The following PRDM11 variants were observed in gnomAD, a reference collection of about 807,000 sequenced individuals.
PRDM11 encodes the protein PR domain-containing protein 11.
In PRDM11, 20 loss-of-function variants were observed where a neutral mutation model predicts 97.8. The ratio of observed to expected loss-of-function variants is 0.20; its 90% CI spans 0.14 to 0.30. PRDM11 has a LOEUF of 0.30. PRDM11 is among the 10% of genes least tolerant of loss of function. PRDM11 has a pLI of 1.00. For missense variants in PRDM11, 1,139 were observed against 1,555.2 expected (o/e 0.73, Z 4.50); for synonymous variants, 599 against 637.7 (o/e 0.94, Z 0.91).
intron 5 of PRDM11, among the ~76,000 whole-genome samples, chr11:45,211,730 C>G (rs559807831): frequency 6.6e-6 from 1 of 152,080 alleles, no homozygotes; most frequent in Admixed American, 6.5e-5. Flanking sequence ...TCCCACTCTT[C>G]CCCCCAAGTC....
chr11:45,212,743 G>A (rs755333415), intron 5 of PRDM11: 2 of 456,372 alleles, frequency 4.4e-6, no homozygotes, highest in African/African-American at 2.0e-5. Flanking sequence ...AGCAGACCGA[G>A]GTGTTCCGGC....
intron 5 of PRDM11, among the ~76,000 whole-genome samples, chr11:45,207,396 G>A (rs1853553947): frequency 6.6e-6 from 1 of 152,200 alleles, no homozygotes; most frequent in African/African-American, 2.4e-5. Context: ...ATCTGTCTGT[G>A]GTGGTTCTCA....
chr11:45,234,359 CT>C lies in PRDM11; in HGVS notation c.*6201del, dbSNP rs1266106624. 2 of 152,948 alleles carry C rather than the reference CT, an allele frequency of 1.3e-5. No homozygotes were observed. The highest frequency in any genetic ancestry group is 4.8e-5 in the African/African-American group (2 of 41,380). 9.5% of individuals were successfully genotyped at this position (152,948 alleles called of 1,614,324 possible). On this transcript the variant is annotated 3_prime_UTR_variant, in exon 8 of 8. Coordinates refer to ENST00000683152, the MANE Select transcript of PRDM11 (RefSeq NM_001384648.1). ...CTCCCATCCTGAGCCTCCTCTGCCC[CT>C]GTCTTGCTCTTCCCCACCATCCTAC...
In PRDM11 at chr11:45,229,863, A is replaced by C. The variant is rs1301348238; in HGVS notation, c.*1704A>C. On this transcript the variant is annotated 3_prime_UTR_variant, in exon 8 of 8. Transcript: ENST00000683152. ...GTTATCTGGCCACAGGCAAGGCCCC[A>C]ATGTCTTCAGCCTGCTTGGTTCAGA... 1 of 152,170 alleles carries C rather than the reference A, an allele frequency of 6.6e-6. No homozygotes were observed. The highest frequency in any genetic ancestry group is 1.9e-4 in the East Asian group (1 of 5,188). The allele number at this position is 152,170 out of a possible 1,614,324, so 9.4% of individuals were successfully genotyped here. A position where few individuals can be genotyped will look rare whatever the true frequency, so the allele number is the denominator to read the frequency against.
At chr11:45,101,346 A>G (rs1318766934) in intron 1 of PRDM11, among the ~76,000 whole-genome samples, 5 of 152,152 alleles carry the variant, frequency 3.3e-5, no homozygotes, top group African/African-American at 1.2e-4. Flanking sequence ...TCACGAGGTC[A>G]GGAGATCGAG....
At chr11:45,184,635 T>C (rs549568682) in intron 4 of PRDM11, among the ~76,000 whole-genome samples, 175 of 152,080 alleles carry the variant, frequency 1.2e-3, no homozygotes, top group Non-Finnish European at 1.9e-3. Flanking sequence ...GTTAATGGTG[T>C]CTTTCTCTGA....
Position 45,233,394 on chromosome 11 carries a change from A to C in PRDM11, c.*5235A>C, listed in dbSNP as rs528998979. On this transcript the variant is annotated 3_prime_UTR_variant, in exon 8 of 8. Transcript: ENST00000683152. ...TGGAAGGAGATACCCCCTGAGCTCC[A>C]GCTGAGGTGCCCCCTACCTCTCCCC... 25 of 152,200 alleles carry C rather than the reference A, an allele frequency of 1.6e-4. No individual in the cohort carries two copies. The highest frequency in any genetic ancestry group is 6.0e-4 in the African/African-American group (25 of 41,462). The allele number at this position is 152,200 out of a possible 1,614,324, so 9.4% of individuals were successfully genotyped here.
chr11:45,132,203 G>T lies in PRDM11; in HGVS notation c.96+36302G>T, dbSNP rs573919737. ...TTCCCTGGAGCTGCGCTGTGCAGGG[G>T]GTCATTTTCCCTGAGCCCATGACAA... On this transcript the variant is annotated intron_variant, in intron 1 of 6. Coordinates refer to the PRDM11 transcript ENST00000530656. Among the ~76,000 whole-genome samples the T allele has an allele frequency of 3.8e-3, 580 of 152,240 alleles. 5 individuals are homozygous for T. Among genetic ancestry groups the T allele is most frequent in the Non-Finnish European group, 5.8e-3 (397 of 68,022 alleles).
chr11:45,213,338 C>A (rs970255763), intron 5 of PRDM11: 2 of 454,896 alleles, frequency 4.4e-6, no homozygotes, highest in Non-Finnish European at 8.9e-6. Context: ...GCAGGCCTTG[C>A]AGGGAGGGGG....
chr11:45,210,262 C>T (rs973957373), intron 5 of PRDM11, among the ~76,000 whole-genome samples: 1 of 152,222 alleles, frequency 6.6e-6, no homozygotes, highest in Non-Finnish European at 1.5e-5. Context: ...CTCCGCCACC[C>T]GCTCCCCACC....
intron 1 of PRDM11, chr11:45,095,987 T>C (rs2135591305): frequency 1.4e-6 from 1 of 724,408 alleles, no homozygotes; most frequent in Non-Finnish European, 2.6e-6. Context: ...TTCCTCCAGA[T>C]CTTTATTCAG....
In PRDM11 at chr11:45,183,055, C is replaced by T. The variant is rs1852573458; in HGVS notation, c.418C>T (p.His140Tyr). 1 of 1,613,868 alleles carries T rather than the reference C, an allele frequency of 6.2e-7. No homozygotes were observed. Among genetic ancestry groups the T allele is most frequent in the Non-Finnish European group, 8.5e-7 (1 of 1,179,998 alleles). Residue 140 changes from histidine (H) to tyrosine (Y), a missense_variant, in exon 4 of 8, where the codon CAC becomes TAC. This residue lies in a region of PRDM11 where 429 missense variants were observed against 510.3 expected (regional missense o/e 0.84). Coordinates refer to ENST00000683152, the MANE Select transcript of PRDM11 (RefSeq NM_001384648.1). The part of the protein sequence containing the change: ...RCVNEVIPKG[H>Y]IFGPYEGQIS... ...TGTAAACGAGGTCATCCCCAAGGGC[C>T]ACATCTTCGGCCCCTATGAGGGGCA...
intron 4 of PRDM11, among the ~76,000 whole-genome samples, chr11:45,184,840 G>C (rs1171899095): frequency 6.6e-6 from 1 of 152,144 alleles, no homozygotes; most frequent in Admixed American, 6.5e-5. Flanking sequence ...GTGGTCAGTG[G>C]GGGTGTGGGT....
At chr11:45,138,686 C>T (rs1238327426) in intron 1 of PRDM11, among the ~76,000 whole-genome samples, 1 of 152,178 alleles carries the variant, frequency 6.6e-6, no homozygotes, top group African/African-American at 2.4e-5. Context: ...AAAGTCACAT[C>T]CCTATGCTAT....
At chr11:45,141,403 C>T (rs957947351) in intron 1 of PRDM11, among the ~76,000 whole-genome samples, 1 of 152,160 alleles carries the variant, frequency 6.6e-6, no homozygotes, top group African/African-American at 2.4e-5. Context: ...TTATAAAGGG[C>T]TGTGGCTTTC....
intron 1 of PRDM11, among the ~76,000 whole-genome samples, chr11:45,096,554 G>T (rs1186175311): frequency 2.6e-5 from 4 of 152,006 alleles, no homozygotes; most frequent in Non-Finnish European, 4.4e-5. Context: ...AAGCCCAATG[G>T]GTTTTCATTA....
intron 1 of PRDM11, among the ~76,000 whole-genome samples, chr11:45,166,013 C>T (rs1286495035): frequency 1.3e-5 from 2 of 152,324 alleles, no homozygotes; most frequent in African/African-American, 2.4e-5. Context: ...CCTCTCTGAG[C>T]CTCCATTCCT....
chr11:45,225,001 T>G (rs969764459), intron 7 of PRDM11, 158 bp downstream of exon 7: 21 of 1,487,700 alleles, frequency 1.4e-5, no homozygotes, highest in Admixed American at 4.6e-5. Context: ...AGGTCCTCAG[T>G]GTCTCTGGCA....
intron 1 of PRDM11, among the ~76,000 whole-genome samples, chr11:45,122,747 G>A (rs989520267): frequency 5.3e-5 from 8 of 152,072 alleles, no homozygotes; most frequent in African/African-American, 1.9e-4. Flanking sequence ...ATCGTTGTTG[G>A]ACATTTGGGT....
Sources: allele counts gnomAD v4.1 joint callset (sites outside exome capture counted in the v4.1 genomes callset), GRCh38; gene constraint gnomAD v4.1.1; regional missense constraint gnomAD v4.1.1; transcripts MANE v1.5; gene names NCBI Gene and HGNC (gene_info 2026-07-23, HGNC 2026-07-21).